HS2ST1: variants seen among roughly 807,000 people sequenced by gnomAD.
HS2ST1 encodes 2-O-sulfotransferase.
Under a neutral mutation model 42.9 loss-of-function variants are expected in HS2ST1, and 18 were observed. The ratio of observed to expected loss-of-function variants is 0.42; its 90% CI spans 0.29 to 0.62. The LOEUF is 0.62. Among genes scored for constraint, HS2ST1 ranks in the 20% least tolerant of loss-of-function variants. The pLI, the probability that HS2ST1 is intolerant of heterozygous loss-of-function variation, is 0.21. For synonymous variants in HS2ST1, 146 were observed against 152.9 expected, an observed-to-expected ratio of 0.95 and a Z score of 0.33; for missense variants, 334 against 433.8, an observed-to-expected ratio of 0.77 and a Z score of 2.04.
chr1:87,055,896 G>A (rs995447437), intron 1 of HS2ST1, among the ~76,000 whole-genome samples: 7 of 152,146 alleles, frequency 4.6e-5, no homozygotes, highest in African/African-American at 1.7e-4. Flanking sequence ...ACTATTTTGT[G>A]TATGTCCTTA....
At chr1:87,099,452 C>T (rs1652149201) in intron 5 of HS2ST1, among the ~76,000 whole-genome samples, 1 of 152,088 alleles carries the variant, frequency 6.6e-6, no homozygotes, top group Non-Finnish European at 1.5e-5. Context: ...GTGAACTGAG[C>T]GAGAGCTCAG....
chr1:86,953,041 C>T (rs1647570518), intron 1 of HS2ST1, among the ~76,000 whole-genome samples: 1 of 152,182 alleles, frequency 6.6e-6, no homozygotes, highest in Admixed American at 6.5e-5. Flanking sequence ...ATTGTAGCCA[C>T]CTTCATCAGG....
At chr1:87,067,700 A>C (rs566381224) in intron 1 of HS2ST1, among the ~76,000 whole-genome samples, 17 of 152,250 alleles carry the variant, frequency 1.1e-4, no homozygotes, top group African/African-American at 3.4e-4. Context: ...TTATGGTTTT[A>C]AGTCTTAGTT....
chr1:87,027,492 G>A (rs1040654527), intron 1 of HS2ST1, among the ~76,000 whole-genome samples: 1 of 152,114 alleles, frequency 6.6e-6, no homozygotes, highest in Non-Finnish European at 1.5e-5. Flanking sequence ...ATCAAAATAG[G>A]TGGTGGTATA....
At chr1:86,983,586 TA>T (rs1184441201) in intron 1 of HS2ST1, among the ~76,000 whole-genome samples, 1 of 152,188 alleles carries the variant, frequency 6.6e-6, no homozygotes, top group Non-Finnish European at 1.5e-5. Context: ...CAAACCATAT[TA>T]AAATAGTACT....
At chr1:87,082,418 T>G (rs1256813744) in intron 2 of HS2ST1, among the ~76,000 whole-genome samples, 1 of 152,206 alleles carries the variant, frequency 6.6e-6, no homozygotes, top group Non-Finnish European at 1.5e-5. Flanking sequence ...ATAACACTGT[T>G]TTTTCAGACC....
At chr1:86,968,987 A>G (rs1323676216) in intron 1 of HS2ST1, among the ~76,000 whole-genome samples, 1 of 152,174 alleles carries the variant, frequency 6.6e-6, no homozygotes, top group Non-Finnish European at 1.5e-5. Context: ...GAATAAAAAT[A>G]TTTTCATGAA....
intron 1 of HS2ST1, among the ~76,000 whole-genome samples, chr1:86,941,460 G>A (rs61802161): frequency 0.24 from 36,092 of 151,460 alleles, 5,056 homozygotes; most frequent in African/African-American, 0.38. Context: ...AAATATTAAT[G>A]TACATCTACA....
chr1:87,070,803 T>C (rs893013708), intron 1 of HS2ST1, among the ~76,000 whole-genome samples: 1 of 152,210 alleles, frequency 6.6e-6, no homozygotes, highest in Non-Finnish European at 1.5e-5. Context: ...GTTTATTTTA[T>C]GGATTATCTT....
In HS2ST1 at chr1:87,095,961, G is replaced by A. The variant is rs539351579; in HGVS notation, c.589-1877G>A. On this transcript the variant is annotated intron_variant, in intron 4 of 6. Transcript: ENST00000370550. ...TCATCTGGCTTACTATAGACAGCCG[G>A]TTTTCTTTTTTTTTTTTTTTCATTT... Among the ~76,000 whole-genome samples the A allele has an allele frequency of 1.3e-3, 168 of 131,052 alleles. 1 individual carries two copies. The highest frequency in any genetic ancestry group is 4.6e-3 in the African/African-American group (157 of 34,324). The allele number at this position is 131,052 out of a possible 152,430, so 86.0% of individuals were successfully genotyped here. A position where few individuals can be genotyped will look rare whatever the true frequency, so the allele number is the denominator to read the frequency against.
At chr1:86,989,848 G>C (rs913195566) in intron 1 of HS2ST1, among the ~76,000 whole-genome samples, 1 of 152,064 alleles carries the variant, frequency 6.6e-6, no homozygotes, top group African/African-American at 2.4e-5. Context: ...GTGTTAGTTT[G>C]CTGAGAATGA....
At chr1:87,068,062 T>C (rs1460275641) in intron 1 of HS2ST1, among the ~76,000 whole-genome samples, 3 of 152,188 alleles carry the variant, frequency 2.0e-5, no homozygotes, top group Admixed American at 2.0e-4. Flanking sequence ...CTTTTTTGGT[T>C]CCATATGAAA....
intron 6 of HS2ST1, 56 bp downstream of exon 6, chr1:87,103,645 G>A (rs925411165): frequency 7.3e-7 from 1 of 1,374,736 alleles, no homozygotes; most frequent in Non-Finnish European, 9.6e-7. Context: ...TTTTTGGTTT[G>A]CAACTTGTAA....
intron 1 of HS2ST1, among the ~76,000 whole-genome samples, chr1:86,972,730 A>C (rs1648273653): frequency 6.6e-6 from 1 of 152,224 alleles, no homozygotes; most frequent in Non-Finnish European, 1.5e-5. Flanking sequence ...AACATTTTGC[A>C]TAACCATGGG....
intron 1 of HS2ST1, among the ~76,000 whole-genome samples, chr1:86,968,205 G>A (rs1648117434): frequency 6.6e-6 from 1 of 152,122 alleles, no homozygotes; most frequent in Non-Finnish European, 1.5e-5. Flanking sequence ...CAGATGCATA[G>A]TTGGCAATTA....
chr1:87,078,875 A>G (rs1651611969), intron 2 of HS2ST1, among the ~76,000 whole-genome samples: 1 of 152,204 alleles, frequency 6.6e-6, no homozygotes, highest in South Asian at 2.1e-4. Context: ...GTGAGAAGGC[A>G]GATCATGATA....
At chr1:87,066,722 CT>C (rs1043338919) in intron 1 of HS2ST1, among the ~76,000 whole-genome samples, 2 of 152,122 alleles carry the variant, frequency 1.3e-5, no homozygotes, top group South Asian at 2.1e-4. Flanking sequence ...TATCCCTCCC[CT>C]AGCCCCCATC....
At chr1:86,963,696 C>T (rs1244519051) in intron 1 of HS2ST1, among the ~76,000 whole-genome samples, 10 of 151,330 alleles carry the variant, frequency 6.6e-5, no homozygotes, top group Middle Eastern at 3.5e-3. Context: ...GGGTGACAGC[C>T]GGGCAGAGGG....
At chr1:87,027,892 G>A (rs888192163) in intron 1 of HS2ST1, among the ~76,000 whole-genome samples, 2 of 152,210 alleles carry the variant, frequency 1.3e-5, no homozygotes, top group Admixed American at 1.3e-4. Context: ...GTTTCACCAT[G>A]TTGGCCAGGC....
Sources: gnomAD v4.1 joint callset for allele counts (sites outside exome capture counted in the v4.1 genomes callset) on GRCh38, gnomAD v4.1.1 for gene constraint, MANE v1.5 for transcripts, NCBI Gene and HGNC (gene_info 2026-07-23, HGNC 2026-07-21) for gene names.